ADAMTSL1: variants seen among roughly 807,000 people sequenced by gnomAD.
ADAMTSL1 encodes the protein ADAMTS-like protein 1.
A neutral mutation model predicts 201.8 loss-of-function variants in ADAMTSL1; 126 were observed. The ratio of observed to expected loss-of-function variants is 0.62; its 90% CI spans 0.54 to 0.72. The LOEUF (loss-of-function observed/expected upper bound fraction) is 0.72. Among genes scored for constraint, ADAMTSL1 ranks in the 30% least tolerant of loss-of-function variants. ADAMTSL1 has a pLI of 0.00. For synonymous variants in ADAMTSL1, 1,121 were observed against 903.4 expected, an observed-to-expected ratio of 1.24 and a Z score of -4.32; for missense variants, 2,679 against 2,277.8, an observed-to-expected ratio of 1.18 and a Z score of -3.59.
At chr9:18,444,305 T>C (rs1820106669) in intron 2 of ADAMTSL1, among the ~76,000 whole-genome samples, 1 of 152,198 alleles carries the variant, frequency 6.6e-6, no homozygotes, top group Admixed American at 6.5e-5. Context: ...CATTGATCTT[T>C]TGAGCTAATG....
chr9:17,974,691 G>A (rs1818367249), intron 1 of ADAMTSL1, among the ~76,000 whole-genome samples: 1 of 151,976 alleles, frequency 6.6e-6, no homozygotes. Flanking sequence ...TAAATGGCAG[G>A]ATCTCCTTCT....
Position 18,657,713 on chromosome 9 carries a change from G to A in ADAMTSL1, c.909G>A (p.Glu303=). 1.2e-6 allele frequency: 2 copies of A among 1,614,080 alleles called. No homozygotes were observed. The highest frequency in any genetic ancestry group is 2.2e-5 in the East Asian group (1 of 44,902). ...AACCCATCATCCACCGATGGAGGGA[G>A]ACGGATTTCTTTCCTTGCTCAGCAA... ...FYQPIIHRWR[E]TDFFPCSATC... The change falls in exon 8 of 29, where the codon GAG becomes GAA. Residue 303 remains glutamate (E), a synonymous_variant. Transcript: ENST00000380548.
intron 1 of ADAMTSL1, among the ~76,000 whole-genome samples, chr9:17,946,301 C>T (rs1307858210): frequency 6.6e-6 from 1 of 151,676 alleles, no homozygotes; most frequent in East Asian, 1.9e-4. Context: ...GCCGAGCTGA[C>T]CTTAATATTT....
chr9:18,042,481 G>T (rs1821469104), intron 1 of ADAMTSL1, among the ~76,000 whole-genome samples: 1 of 152,004 alleles, frequency 6.6e-6, no homozygotes, highest in Non-Finnish European at 1.5e-5. Context: ...AAGACATGAG[G>T]GGTTGAGAAG....
chr9:18,257,953 C>T (rs1831754481), intron 2 of ADAMTSL1, among the ~76,000 whole-genome samples: 2 of 152,006 alleles, frequency 1.3e-5, no homozygotes, highest in African/African-American at 4.8e-5. Flanking sequence ...ATCTTCAGAG[C>T]AGAAGGAAGG....
chr9:18,645,570 G>C (rs1010494650), intron 7 of ADAMTSL1, among the ~76,000 whole-genome samples: 1 of 151,728 alleles, frequency 6.6e-6, no homozygotes, highest in African/African-American at 2.4e-5. Flanking sequence ...TTTGTATAAG[G>C]TGTGAGGAAG....
Position 18,414,444 on chromosome 9 carries a change from A to C in ADAMTSL1, c.208-90385A>C, listed in dbSNP as rs867754048. Among the ~76,000 whole-genome samples, 3 of 152,220 alleles carry C rather than the reference A, an allele frequency of 2.0e-5. No homozygotes were observed. In the South Asian group the frequency reaches 6.2e-4, roughly 31 times the overall value. ...AAATAATAGTTTCCACTTCTGGACA[A>C]GATGGAGTAACAGAGACCAATTTAC... On this transcript the variant is annotated intron_variant, in intron 2 of 29. Coordinates refer to the ADAMTSL1 transcript ENST00000680146.
chr9:18,010,124 G>C (rs1194799934), intron 1 of ADAMTSL1, among the ~76,000 whole-genome samples: 1 of 151,954 alleles, frequency 6.6e-6, no homozygotes, highest in Non-Finnish European at 1.5e-5. Context: ...TACAGTGACT[G>C]GTTATTCAAA....
chr9:18,853,891 G>C (rs77107761), intron 23 of ADAMTSL1, among the ~76,000 whole-genome samples: 68 of 102,896 alleles, frequency 6.6e-4, no homozygotes, highest in Middle Eastern at 4.7e-3. Context: ...TTCACTCTCT[G>C]TGTGTGTGTG....
At chr9:18,575,525 T>A (rs1006778677) in intron 4 of ADAMTSL1, among the ~76,000 whole-genome samples, 1 of 152,228 alleles carries the variant, frequency 6.6e-6, no homozygotes, top group East Asian at 1.9e-4. Context: ...CTTTGCTATT[T>A]ACTTCCTCCT....
At position 18,910,629 on chromosome 9, in the gene ADAMTSL1, A is replaced by AATT. The variant is rs1181106558; in HGVS notation, c.*2085_*2087dup. The AATT allele has an allele frequency of 6.6e-6, 1 of 152,218 alleles. No homozygotes were observed. Among genetic ancestry groups the AATT allele is most frequent in the African/African-American group, 2.4e-5 (1 of 41,450 alleles). 9.4% of individuals were successfully genotyped at this position (152,218 alleles called of 1,614,324 possible). On this transcript the variant is annotated 3_prime_UTR_variant, in exon 29 of 29. Transcript: ENST00000380548. ...ATTCCATACTACTACTAATGTGGTT[A>AATT]ATTATTTCTAGTTCGATAGTGATTG...
At chr9:17,963,139 AT>A (rs1169985203) in intron 1 of ADAMTSL1, among the ~76,000 whole-genome samples, 2 of 152,222 alleles carry the variant, frequency 1.3e-5, no homozygotes, top group African/African-American at 4.8e-5. Flanking sequence ...TGGCCCAATT[AT>A]ATCTAGCTCC....
intron 1 of ADAMTSL1, among the ~76,000 whole-genome samples, chr9:17,907,145 G>T (rs1825748698): frequency 6.6e-6 from 1 of 152,188 alleles, no homozygotes; most frequent in South Asian, 2.1e-4. Flanking sequence ...CCAGCTTCCT[G>T]GGACCCTGTC....
intron 2 of ADAMTSL1, among the ~76,000 whole-genome samples, chr9:18,530,232 G>T (rs947241080): frequency 1.3e-4 from 20 of 152,238 alleles, no homozygotes; most frequent in African/African-American, 4.8e-4. Flanking sequence ...AAGACCCTAA[G>T]AGAGCAAGAG....
intron 2 of ADAMTSL1, among the ~76,000 whole-genome samples, chr9:18,253,270 A>G (rs1383312308): frequency 2.0e-5 from 3 of 152,214 alleles, no homozygotes; most frequent in South Asian, 2.1e-4. Context: ...GGATGTTAAC[A>G]TTGGTTACCT....
At chr9:18,033,843 C>T (rs964269864) in intron 1 of ADAMTSL1, among the ~76,000 whole-genome samples, 3 of 152,182 alleles carry the variant, frequency 2.0e-5, no homozygotes, top group African/African-American at 7.2e-5. Flanking sequence ...ATGTCTGCAT[C>T]CTCCACATAA....
intron 1 of ADAMTSL1, among the ~76,000 whole-genome samples, chr9:17,911,377 G>A (rs1316259731): frequency 1.5e-5 from 1 of 68,280 alleles, no homozygotes; most frequent in African/African-American, 2.9e-5. Context: ...ATTACTTAAC[G>A]ATTTCTACAA....
rs748959276 is a variant in ADAMTSL1 at position 18,639,343 on chromosome 9, T to G, written c.766T>G (p.Phe256Val). Residue 256 changes from phenylalanine (F) to valine (V), a missense_variant, in exon 7 of 29, where the codon TTC (phenylalanine) becomes GTC (valine). Coordinates refer to ENST00000380548, the MANE Select transcript of ADAMTSL1 (RefSeq NM_001040272.6). Reference protein sequence around the residue: ...TFLVDNSSVDFQKFPDKEILR... With the variant: ...TFLVDNSSVDVQKFPDKEILR... ...CCTTGTGGACAATTCTAGTGTGGAC[T>G]TCCAGAAATTTCCAGACAAAGAGAT... is the stretch of plus-strand genomic sequence containing the variant. 1.9e-6 allele frequency: 3 copies of G among 1,613,040 alleles called. No homozygotes were observed. In the East Asian group the frequency reaches 6.7e-5, roughly 36 times the overall value.
At chr9:18,204,794 G>A (rs1313143743) in intron 2 of ADAMTSL1, among the ~76,000 whole-genome samples, 2 of 152,062 alleles carry the variant, frequency 1.3e-5, no homozygotes, top group Non-Finnish European at 2.9e-5. Flanking sequence ...CAATCTGGTT[G>A]CCCTGGGCAA....
Sources: allele counts gnomAD v4.1 joint callset (sites outside exome capture counted in the v4.1 genomes callset), GRCh38; gene constraint gnomAD v4.1.1; transcripts MANE v1.5; gene names NCBI Gene and HGNC (gene_info 2026-07-23, HGNC 2026-07-21).